Variants in PITPNM3 observed in about 807,000 individuals in gnomAD.
PITPNM3 encodes PITPNM family member 3.
Under a neutral mutation model 102.0 loss-of-function variants are expected in PITPNM3, and 26 were observed. The ratio of observed to expected loss-of-function variants is 0.25; its 90% CI spans 0.19 to 0.35. The LOEUF (loss-of-function observed/expected upper bound fraction) is 0.35, where lower values mean the gene tolerates loss of function less well. PITPNM3 is among the 10% of genes least tolerant of loss of function. PITPNM3 has a pLI of 1.00. For missense variants in PITPNM3, 1,083 were observed against 1,346.1 expected (o/e 0.80, Z 3.06); for synonymous variants, 578 against 558.6 (o/e 1.03, Z -0.49).
intron 9 of PITPNM3, among the ~76,000 whole-genome samples, chr17:6,476,438 G>A (rs1905302530): frequency 6.6e-6 from 1 of 152,208 alleles, no homozygotes. Context: ...AGCCCACATT[G>A]ATTAACATGT....
chr17:6,555,472 C>T (rs1300220526), intron 1 of PITPNM3, among the ~76,000 whole-genome samples: 3 of 152,212 alleles, frequency 2.0e-5, no homozygotes, highest in African/African-American at 7.2e-5. Context: ...CACACGCCAG[C>T]CTCACAAGAG....
rs951197052 is a variant in PITPNM3, at chr17:6,458,894, A to T, written c.2491-1172T>A. Among the ~76,000 whole-genome samples, 14 of 151,056 alleles carry T rather than the reference A, an allele frequency of 9.3e-5. No individual in the cohort carries two copies. The highest frequency in any genetic ancestry group is 1.9e-4 in the Non-Finnish European group (13 of 67,844). ...AGCTGCTAAAGAAACAGAGCCACGC[A>T]GCTCTCACCTTCCATCTTCTTCCTG... is the stretch of plus-strand genomic sequence containing the variant. On this transcript the variant is annotated intron_variant, in intron 18 of 19. Transcript: ENST00000262483. The surrounding 1 kb of genome is among the most constrained non-coding windows in gnomAD (Gnocchi z 5.1).
intron 4 of PITPNM3, among the ~76,000 whole-genome samples, chr17:6,487,382 T>C (rs1023713306): frequency 7.9e-5 from 12 of 152,096 alleles, no homozygotes; most frequent in South Asian, 2.1e-4. Context: ...GGTTAGCGGC[T>C]ATTGTTATTA....
chr17:6,516,437 A>G (rs1365955995), intron 3 of PITPNM3, among the ~76,000 whole-genome samples: 1 of 150,482 alleles, frequency 6.6e-6, no homozygotes, highest in East Asian at 2.0e-4. Flanking sequence ...GGTGGCGGGC[A>G]CCTGTAGTCC....
chr17:6,540,843 G>C (rs1423593242), intron 1 of PITPNM3, among the ~76,000 whole-genome samples: 1 of 152,166 alleles, frequency 6.6e-6, no homozygotes, highest in Non-Finnish European at 1.5e-5. Flanking sequence ...ATTTTTAGTA[G>C]AGACGGGGTT....
rs1219481685 is a variant in PITPNM3 at position 6,454,131 on chromosome 17, G to T, written c.*1207C>A. ...GAACCCCTAGAACCCTGGAATCTCA[G>T]CTCTATGCCTCTGGGAGCCAAAAAG... On this transcript the variant is annotated 3_prime_UTR_variant, in exon 20 of 20. Coordinates refer to ENST00000262483, the MANE Select transcript of PITPNM3 (RefSeq NM_031220.4). The T allele has an allele frequency of 6.6e-6, 1 of 152,302 alleles. No homozygotes were observed. Among genetic ancestry groups the T allele is most frequent in the Non-Finnish European group, 1.5e-5 (1 of 68,086 alleles). 9.4% of individuals were successfully genotyped at this position (152,302 alleles called of 1,614,324 possible). A position where few individuals can be genotyped will look rare whatever the true frequency, so the allele number is the denominator to read the frequency against.
Position 6,519,286 on chromosome 17 carries a change from G to A in PITPNM3, c.226+6070C>T, listed in dbSNP as rs1908361374. On this transcript the variant is annotated intron_variant, in intron 3 of 19. Coordinates refer to ENST00000262483, the MANE Select transcript of PITPNM3 (RefSeq NM_031220.4). ...CGGGAGGCGGAGCTTGCAGTGAGCC[G>A]AGATTGCGCCACTGCAGTCCGCAGT... Among the ~76,000 whole-genome samples the A allele has an allele frequency of 3.9e-5, 2 of 51,360 alleles. 1 individual carries two copies. Among genetic ancestry groups the A allele is most frequent in the Non-Finnish European group, 7.4e-5 (2 of 26,906 alleles). The allele number at this position is 51,360 out of a possible 152,430, so 33.7% of individuals were successfully genotyped here. A position where few individuals can be genotyped will look rare whatever the true frequency, so the allele number is the denominator to read the frequency against.
chr17:6,467,720 GAATA>G (rs1904859076), intron 14 of PITPNM3, among the ~76,000 whole-genome samples: 1 of 152,300 alleles, frequency 6.6e-6, no homozygotes, highest in Middle Eastern at 3.4e-3. Context: ...TTTGTTGAGT[GAATA>G]AATAAATCTA....
At position 6,478,228 on chromosome 17, in the gene PITPNM3, A is replaced by G. The variant is rs759216856; in HGVS notation, c.778-131T>C. ...CCTTGGGAGGTGTTGAGAGAGCCCA[A>G]CTGGGAAGCAGTGTGCAAACTGGGG... On this transcript the variant is annotated intron_variant, in intron 7 of 19. Coordinates refer to ENST00000262483, the MANE Select transcript of PITPNM3 (RefSeq NM_031220.4). The surrounding 1 kb of genome is among the most constrained non-coding windows in gnomAD (Gnocchi z 4.4). 35 of 1,460,194 alleles carry G rather than the reference A, an allele frequency of 2.4e-5. No individual in the cohort carries two copies. The highest frequency in any genetic ancestry group is 2.9e-5 in the Non-Finnish European group (31 of 1,078,934). The allele number at this position is 1,460,194 out of a possible 1,614,324, so 90.5% of individuals were successfully genotyped here. A position where few individuals can be genotyped will look rare whatever the true frequency, so the allele number is the denominator to read the frequency against.
chr17:6,522,761 G>A (rs1000891140), intron 3 of PITPNM3, among the ~76,000 whole-genome samples: 3 of 152,096 alleles, frequency 2.0e-5, no homozygotes, highest in Admixed American at 6.5e-5. Context: ...AAGAGTTCAC[G>A]GATCTTCCTT....
chr17:6,483,821 A>G (rs766162761), intron 5 of PITPNM3, 69 bp from the exon 6 acceptor site: 150 of 1,332,458 alleles, frequency 1.1e-4, no homozygotes, highest in East Asian at 7.9e-4. Flanking sequence ...ACAGGGACAC[A>G]CACACACATG....
chr17:6,519,181 C>CAAAAAAAAAAAA (rs1490830877), intron 3 of PITPNM3, among the ~76,000 whole-genome samples: 2 of 72,404 alleles, frequency 2.8e-5, no homozygotes, highest in Admixed American at 1.4e-4. Flanking sequence ...ACTAAAAATA[C>CAAAAAAAAAAAA]AAAAAATTAG....
At chr17:6,463,686 T>TCCTGCCC (rs1174566775) in intron 17 of PITPNM3, 46 bp downstream of exon 17, 1 of 1,601,014 alleles carries the variant, frequency 6.2e-7, no homozygotes, top group Admixed American at 1.7e-5. Context: ...GGCTGCTGGC[T>TCCTGCCC]CCTGCCCCCC....
intron 1 of PITPNM3, among the ~76,000 whole-genome samples, chr17:6,547,726 T>TTCTTC (rs1910097253): frequency 6.7e-6 from 1 of 148,796 alleles, no homozygotes; most frequent in African/African-American, 2.6e-5. Flanking sequence ...GGGGTCTCTT[T>TTCTTC]TCTTTTCTTT....
intron 3 of PITPNM3, among the ~76,000 whole-genome samples, chr17:6,521,954 G>A (rs562754862): frequency 2.0e-4 from 31 of 152,230 alleles, no homozygotes; most frequent in East Asian, 7.7e-4. Context: ...CCTTCTTTGC[G>A]GAAGCGGCAA....
Position 6,461,537 on chromosome 17 carries a change from A to G in PITPNM3, c.2326T>C (p.Tyr776His). Residue 776 changes from tyrosine (Y) to histidine (H), a missense_variant, in exon 18 of 20, where the codon TAC becomes CAC. Tyr to His is a moderately conservative substitution (Grantham distance 83). Around this residue, in one of 5 missense-constraint regions of PITPNM3, gnomAD observed 410 missense variants for 638.4 expected, o/e 0.64. Transcript: ENST00000262483. ...CGTCCCGTGATGTAAAGGATCATGTAGCCCAAGTCCTGCCAGTGCCTGGTG... is the reference window on the plus strand; with the variant it reads ...CGTCCCGTGATGTAAAGGATCATGTGGCCCAAGTCCTGCCAGTGCCTGGTG... ...DVVRHWQDLG[Y>H]MILYITGRPD... The G allele has an allele frequency of 6.2e-7, 1 of 1,614,226 alleles. No homozygotes were observed. Among genetic ancestry groups the G allele is most frequent in the Non-Finnish European group, 8.5e-7 (1 of 1,180,046 alleles).
intron 1 of PITPNM3, among the ~76,000 whole-genome samples, chr17:6,538,517 T>C (rs1472196397): frequency 2.0e-5 from 3 of 152,190 alleles, no homozygotes; most frequent in Admixed American, 1.3e-4. Context: ...CACCTTACGA[T>C]GTCACCAGCC....
chr17:6,549,523 C>T (rs1200886642), intron 1 of PITPNM3, among the ~76,000 whole-genome samples: 1 of 152,206 alleles, frequency 6.6e-6, no homozygotes, highest in Admixed American at 6.5e-5. Flanking sequence ...CCTGTCTACC[C>T]TTGCCACACA....
chr17:6,477,788 T>C (rs562214969), intron 8 of PITPNM3, among the ~76,000 whole-genome samples, 187 bp downstream of exon 8: 2 of 152,162 alleles, frequency 1.3e-5, no homozygotes, highest in Non-Finnish European at 2.9e-5. Context: ...TCAGGTGATC[T>C]GCCCACCTCG....
Sources: allele counts gnomAD v4.1 joint callset (sites outside exome capture counted in the v4.1 genomes callset), GRCh38; gene constraint gnomAD v4.1.1; regional missense constraint gnomAD v4.1.1; non-coding constraint Gnocchi (gnomAD v3.1); transcripts MANE v1.5; gene names NCBI Gene and HGNC (gene_info 2026-07-23, HGNC 2026-07-21).